VEPH1: variants seen among roughly 807,000 people sequenced by gnomAD.
VEPH1 encodes ventricular zone-expressed PH domain-containing protein homolog 1.
VEPH1 carries 80 observed loss-of-function variants against 85.2 expected under a neutral mutation model. The observed-to-expected ratio is 0.94, with a 90% CI of 0.78 to 1.13. The LOEUF is 1.13. VEPH1 is among the 50% of genes most tolerant of loss of function. The pLI is 0.00. For missense variants in VEPH1, 955 were observed against 980.5 expected (o/e 0.97, Z 0.35); for synonymous variants, 297 against 348.0 (o/e 0.85, Z 1.63).
At chr3:157,262,902 A>G (rs1713107305) in intron 13 of VEPH1, among the ~76,000 whole-genome samples, 1 of 152,218 alleles carries the variant, frequency 6.6e-6, no homozygotes, top group Non-Finnish European at 1.5e-5. Context: ...ATAAAATTGC[A>G]TTTCTTTGAA....
intron 5 of VEPH1, among the ~76,000 whole-genome samples, chr3:157,421,246 AT>A (rs901213667): frequency 1.2e-4 from 18 of 151,906 alleles, no homozygotes; most frequent in South Asian, 1.0e-3. Context: ...TATGTAGAGA[AT>A]TTTTTTTTCA....
chr3:157,450,007 A>G (rs1734832710), intron 4 of VEPH1, among the ~76,000 whole-genome samples: 1 of 137,246 alleles, frequency 7.3e-6, no homozygotes, highest in Admixed American at 7.3e-5. Flanking sequence ...CTTTACTGAA[A>G]TTTGTCTTAT....
chr3:157,461,912 T>C (rs1327913045), intron 3 of VEPH1, among the ~76,000 whole-genome samples: 1 of 151,802 alleles, frequency 6.6e-6, no homozygotes, highest in Non-Finnish European at 1.5e-5. Flanking sequence ...AAAAAAGTCA[T>C]AAAGTGGATA....
intron 9 of VEPH1, among the ~76,000 whole-genome samples, chr3:157,324,882 T>C (rs2108569906): frequency 6.6e-6 from 1 of 152,344 alleles, no homozygotes; most frequent in Admixed American, 6.5e-5. Context: ...CATATGGTAT[T>C]TCTGCCTCTA....
intron 7 of VEPH1, among the ~76,000 whole-genome samples, chr3:157,373,268 G>A (rs1271438572): frequency 6.6e-6 from 1 of 152,040 alleles, no homozygotes; most frequent in Non-Finnish European, 1.5e-5. Flanking sequence ...TCTACCCCAG[G>A]AATAAGTAAT....
intron 9 of VEPH1, among the ~76,000 whole-genome samples, chr3:157,318,632 A>AAAAG (rs67604867): frequency 1.8e-4 from 23 of 128,622 alleles, no homozygotes; most frequent in Non-Finnish European, 3.0e-4. Context: ...AACAAAAAAA[A>AAAAG]AAAGAAAGAA....
intron 9 of VEPH1, among the ~76,000 whole-genome samples, chr3:157,328,822 A>G (rs989426484): frequency 4.6e-5 from 7 of 152,228 alleles, no homozygotes; most frequent in African/African-American, 1.4e-4. Context: ...TTAGTTTTTA[A>G]GTACTGGGCA....
At chr3:157,393,180 TGGTA>T (rs1730034758) in intron 6 of VEPH1, among the ~76,000 whole-genome samples, 1 of 152,174 alleles carries the variant, frequency 6.6e-6, no homozygotes, top group African/African-American at 2.4e-5. Flanking sequence ...ATAATGATGA[TGGTA>T]GAGAGAGAAT....
chr3:157,281,262 A>G (rs559886962), intron 12 of VEPH1, among the ~76,000 whole-genome samples: 2 of 152,272 alleles, frequency 1.3e-5, no homozygotes, highest in African/African-American at 2.4e-5. Flanking sequence ...AGATTTCAAG[A>G]TAATAAATTA....
At chr3:157,480,150 G>T in intron 2 of VEPH1, among the ~76,000 whole-genome samples, 1 of 129,626 alleles carries the variant, frequency 7.7e-6, no homozygotes, top group South Asian at 2.5e-4. Flanking sequence ...TCATTTTTTT[G>T]GATGGATAAA....
chr3:157,405,884 G>A (rs912911445), intron 6 of VEPH1, among the ~76,000 whole-genome samples: 2 of 152,090 alleles, frequency 1.3e-5, no homozygotes, highest in Admixed American at 6.6e-5. Flanking sequence ...TCTCCTCTGT[G>A]TCCCCATCAC....
At chr3:157,389,132 T>C (rs1210808457) in intron 6 of VEPH1, among the ~76,000 whole-genome samples, 1 of 152,204 alleles carries the variant, frequency 6.6e-6, no homozygotes, top group East Asian at 1.9e-4. Flanking sequence ...TGTGTGTTTC[T>C]GTTTAAAGCT....
At chr3:157,454,183 GA>G (rs1250211265) in intron 4 of VEPH1, among the ~76,000 whole-genome samples, 2 of 151,974 alleles carry the variant, frequency 1.3e-5, no homozygotes, top group Non-Finnish European at 2.9e-5. Flanking sequence ...CCAAGGTGTT[GA>G]AAAAAACATA....
At chr3:157,442,244 A>T in intron 4 of VEPH1, 1 of 915,474 alleles carries the variant, frequency 1.1e-6, no homozygotes. Flanking sequence ...GTCGTAATGT[A>T]GGGTTTCACA....
rs545267799 is a variant in VEPH1 at position 157,372,116 on chromosome 3, G to T, written c.1128-7604C>A. Among the ~76,000 whole-genome samples the T allele has an allele frequency of 3.3e-5, 5 of 152,318 alleles. No individual in the cohort carries two copies. In the South Asian group the frequency reaches 6.2e-4, roughly 19 times the overall value. On this transcript the variant is annotated intron_variant, in intron 7 of 13. Transcript: ENST00000362010. ...CGTCTGGGCACAGGAGCAAGCAATA[G>T]GGTCTGGCCATGAGGATTAAAGAGC...
intron 4 of VEPH1, 90 bp downstream of exon 4, chr3:157,460,091 G>T: frequency 6.2e-7 from 1 of 1,612,008 alleles, no homozygotes; most frequent in Non-Finnish European, 8.5e-7. Context: ...AATACTCTAG[G>T]TCTTGCTTCC....
In VEPH1 at chr3:157,428,270, A is replaced by G. The variant is rs140675069; in HGVS notation, c.696+52T>C. 8.8e-6 allele frequency: 14 copies of G among 1,597,800 alleles called. No individual in the cohort carries two copies. The East Asian group carries it at 2.7e-4, about 31-fold the overall frequency. ...CTAAGCACATACGCTGTTCACACACAAAGAAACATGCCTGGTTGTGTGCAC... is the reference window on the plus strand; with the variant it reads ...CTAAGCACATACGCTGTTCACACACGAAGAAACATGCCTGGTTGTGTGCAC... On this transcript the variant is annotated intron_variant, in intron 5 of 13. Transcript: ENST00000362010.
chr3:157,382,747 T>C (rs1355238201), intron 6 of VEPH1, among the ~76,000 whole-genome samples: 1 of 152,214 alleles, frequency 6.6e-6, no homozygotes, highest in African/African-American at 2.4e-5. Context: ...TCCTTCAAGG[T>C]GCAACTCTTC....
Position 157,408,632 on chromosome 3 carries a change from A to G in VEPH1, c.906+5249T>C, listed in dbSNP as rs190947073. On this transcript the variant is annotated intron_variant, in intron 6 of 13. Coordinates refer to ENST00000362010, the MANE Select transcript of VEPH1 (RefSeq NM_001167912.2). ...CATAATTGAGATACAACCATGACAC[A>G]TTTAAGGTACAACCAAATTACTATG... Among the ~76,000 whole-genome samples the G allele has an allele frequency of 7.9e-5, 12 of 152,288 alleles. No individual in the cohort carries two copies. The East Asian group carries it at 2.3e-3, about 29-fold the overall frequency.
Sources: gnomAD v4.1 joint callset for allele counts (sites outside exome capture counted in the v4.1 genomes callset) on GRCh38, gnomAD v4.1.1 for gene constraint, MANE v1.5 for transcripts, NCBI Gene and HGNC (gene_info 2026-07-23, HGNC 2026-07-21) for gene names.